WFDC1: variants seen among roughly 807,000 people sequenced by gnomAD.
WFDC1 encodes the protein WAP four-disulfide core domain 1.
A neutral mutation model predicts 32.9 loss-of-function variants in WFDC1; 39 were observed. The ratio of observed to expected loss-of-function variants is 1.19; its 90% CI spans 0.92 to 1.55. WFDC1 has a LOEUF of 1.55. WFDC1 is among the 40% of genes most tolerant of loss of function. The pLI is 0.00. For synonymous variants in WFDC1, 184 were observed against 137.4 expected (o/e 1.34, Z -2.37); for missense variants, 386 against 309.5 (o/e 1.25, Z -1.85).
chr16:84,299,759 C>T (rs1357042183), intron 1 of WFDC1, among the ~76,000 whole-genome samples: 1 of 152,240 alleles, frequency 6.6e-6, no homozygotes, highest in Admixed American at 6.5e-5. Context: ...AGCACCCCTC[C>T]AGGGCAGCTG....
chr16:84,309,868 TTGTG>T (rs10541544), intron 1 of WFDC1, among the ~76,000 whole-genome samples: 131,801 of 150,618 alleles, frequency 0.88, 57,753 homozygotes, highest in East Asian at 0.99. Context: ...GGGGGCGTGC[TTGTG>T]TGTGTGTGTG....
At chr16:84,308,728 A>G (rs1907423647) in intron 1 of WFDC1, among the ~76,000 whole-genome samples, 1 of 151,868 alleles carries the variant, frequency 6.6e-6, no homozygotes, top group Non-Finnish European at 1.5e-5. Context: ...TGTAGATGCC[A>G]GCCTGGGTGT....
At chr16:84,316,499 C>G (rs886872214) in intron 2 of WFDC1, 1 of 152,244 alleles carries the variant, frequency 6.6e-6, no homozygotes, top group African/African-American at 2.4e-5. Flanking sequence ...GTGGCTCACA[C>G]CTGTAATCCC....
intron 1 of WFDC1, among the ~76,000 whole-genome samples, chr16:84,301,566 G>A (rs997828286): frequency 7.9e-5 from 12 of 152,066 alleles, no homozygotes; most frequent in African/African-American, 2.4e-4. Flanking sequence ...AGTAGGCTCC[G>A]GAAACCCCCA....
chr16:84,309,173 C>T (rs1259346228), intron 1 of WFDC1, among the ~76,000 whole-genome samples: 1 of 151,852 alleles, frequency 6.6e-6, no homozygotes, highest in East Asian at 1.9e-4. Context: ...GCTTGGAGGG[C>T]GAGGGGAGGA....
intron 3 of WFDC1, chr16:84,318,732 G>C (rs151055303): frequency 4.1e-5 from 10 of 243,600 alleles, no homozygotes; most frequent in Admixed American, 2.3e-4. Flanking sequence ...GCAATTTCTG[G>C]AAGGAACAGC....
intron 1 of WFDC1, among the ~76,000 whole-genome samples, chr16:84,299,386 CAA>C (rs113709567): frequency 7.7e-6 from 1 of 129,624 alleles, no homozygotes; most frequent in East Asian, 2.2e-4. Context: ...AAACAAAAAG[CAA>C]AAAAAAAAAA....
intron 1 of WFDC1, among the ~76,000 whole-genome samples, chr16:84,295,976 G>A (rs957551261): frequency 1.3e-5 from 2 of 152,134 alleles, no homozygotes; most frequent in Non-Finnish European, 2.9e-5. Flanking sequence ...ATAAATGAGA[G>A]AGATCTCATT....
At position 84,302,832 on chromosome 16, in the gene WFDC1, C is replaced by CA. The variant is rs559500199; in HGVS notation, c.144+7718dup. Among the ~76,000 whole-genome samples the CA allele has an allele frequency of 1.2e-3, 185 of 152,234 alleles. 1 individual carries two copies. Among genetic ancestry groups the CA allele is most frequent in the Non-Finnish European group, 1.8e-3 (122 of 68,022 alleles). ...AACTCGGAACTCCCCATTTCCAGCC[C>CA]AGCGCCCGAAACCCAGTGGGCCTGG... On this transcript the variant is annotated intron_variant, in intron 1 of 6. Coordinates refer to ENST00000219454, the MANE Select transcript of WFDC1 (RefSeq NM_021197.4).
At position 84,329,720 on chromosome 16, in the gene WFDC1, T is replaced by G. The variant is rs9910; in HGVS notation, c.*414T>G. ...AAATGTTCCCAAGATAAATTCATCC[T>G]TCAGGAAATGGAAATGAACTTGCTT... On this transcript the variant is annotated 3_prime_UTR_variant, in exon 7 of 7. Transcript: ENST00000219454. The G allele has an allele frequency of 1.3e-5, 2 of 152,072 alleles. No individual in the cohort carries two copies. The highest frequency in any genetic ancestry group is 2.1e-4 in the South Asian group (1 of 4,824). The allele number at this position is 152,072 out of a possible 1,614,324, so 9.4% of individuals were successfully genotyped here.
intron 2 of WFDC1, 126 bp from the exon 3 acceptor site, chr16:84,318,146 A>T: frequency 1.2e-6 from 1 of 824,388 alleles, no homozygotes; most frequent in East Asian, 2.6e-5. Context: ...GTGTGCCAGG[A>T]ACCATAGTTA....
intron 1 of WFDC1, among the ~76,000 whole-genome samples, chr16:84,303,646 G>A (rs990476304): frequency 5.9e-5 from 9 of 152,110 alleles, no homozygotes; most frequent in African/African-American, 1.9e-4. Flanking sequence ...TATTTTATTC[G>A]TACTGATTCA....
chr16:84,316,184 T>C (rs1036725520), intron 2 of WFDC1: 1 of 152,210 alleles, frequency 6.6e-6, no homozygotes, highest in African/African-American at 2.4e-5. Context: ...AACCATCGCG[T>C]CATTCCTGTT....
chr16:84,299,820 G>C (rs1364744501), intron 1 of WFDC1, among the ~76,000 whole-genome samples: 2 of 152,248 alleles, frequency 1.3e-5, no homozygotes, highest in African/African-American at 2.4e-5. Context: ...TCCTGCTGAG[G>C]GGGGCTGGGA....
At chr16:84,319,150 CATGTCTAT>C in intron 3 of WFDC1, 1 of 477,740 alleles carries the variant, frequency 2.1e-6, no homozygotes, top group East Asian at 3.5e-5. Flanking sequence ...TATCCGTGAA[CATGTCTAT>C]ATGGATGTTG....
chr16:84,302,949 G>A (rs958171584), intron 1 of WFDC1, among the ~76,000 whole-genome samples: 8 of 152,060 alleles, frequency 5.3e-5, no homozygotes, highest in Admixed American at 5.2e-4. Flanking sequence ...GAGGACTCTC[G>A]GGTGCACTGA....
intron 1 of WFDC1, among the ~76,000 whole-genome samples, chr16:84,308,439 G>A (rs536014950): frequency 3.9e-5 from 6 of 152,194 alleles, no homozygotes; most frequent in Admixed American, 6.5e-5. Context: ...GTGGGGTGGC[G>A]AGGGCCTAAA....
chr16:84,308,681 G>A (rs112009174), intron 1 of WFDC1, among the ~76,000 whole-genome samples: 5 of 152,322 alleles, frequency 3.3e-5, no homozygotes, highest in Admixed American at 2.6e-4. Flanking sequence ...ACCAGCCTGG[G>A]TGTAGACGCC....
At chr16:84,303,146 C>G (rs144242306) in intron 1 of WFDC1, among the ~76,000 whole-genome samples, 1 of 151,640 alleles carries the variant, frequency 6.6e-6, no homozygotes, top group Admixed American at 6.6e-5. Flanking sequence ...GCACGCTGAA[C>G]TCTAAGCCCA....
Sources: gnomAD v4.1 joint callset for allele counts (sites outside exome capture counted in the v4.1 genomes callset) on GRCh38, gnomAD v4.1.1 for gene constraint, MANE v1.5 for transcripts, NCBI Gene and HGNC (gene_info 2026-07-23, HGNC 2026-07-21) for gene names.